FARP1: variants seen among roughly 807,000 people sequenced by gnomAD.
FARP1 encodes FERM, ARHGEF and pleckstrin domain-containing protein 1.
Under a neutral mutation model 128.8 loss-of-function variants are expected in FARP1, and 52 were observed. That is an observed-to-expected ratio of 0.40 (90% CI 0.32 to 0.51). The LOEUF is 0.51. FARP1 is among the 20% of genes least tolerant of loss of function. The probability of loss-of-function intolerance (pLI) is 0.45; values close to 1 mark genes in which losing one functional copy is unlikely to be tolerated. For synonymous variants in FARP1, 580 were observed against 551.8 expected, an observed-to-expected ratio of 1.05 and a Z score of -0.72; for missense variants, 1,333 against 1,367.9, an observed-to-expected ratio of 0.97 and a Z score of 0.40.
chr13:98,182,873 A>G (rs1389143043), intron 1 of FARP1, among the ~76,000 whole-genome samples: 1 of 152,202 alleles, frequency 6.6e-6, no homozygotes, highest in Non-Finnish European at 1.5e-5. Context: ...GCACATGACT[A>G]GCTTTTTCCA....
chr13:98,313,283 C>T (rs116228234), intron 2 of FARP1, among the ~76,000 whole-genome samples: 2,067 of 118,302 alleles, frequency 0.017, 65 homozygotes, highest in African/African-American at 0.061. Flanking sequence ...ACTCTGGAAT[C>T]GGGTGGGTCA....
chr13:98,172,150 T>C (rs1877698272), intron 1 of FARP1, among the ~76,000 whole-genome samples: 1 of 152,094 alleles, frequency 6.6e-6, no homozygotes, highest in Admixed American at 6.6e-5. Flanking sequence ...GGGAAAAGTA[T>C]GAGAATTCTA....
At chr13:98,412,764 T>G (rs1258707622) in intron 16 of FARP1, among the ~76,000 whole-genome samples, 2 of 152,196 alleles carry the variant, frequency 1.3e-5, no homozygotes, top group African/African-American at 2.4e-5. Context: ...TTACCTAAAA[T>G]AGAAGGTTTT....
intron 16 of FARP1, among the ~76,000 whole-genome samples, chr13:98,414,388 G>C (rs751557199): frequency 3.9e-5 from 6 of 152,244 alleles, no homozygotes; most frequent in Non-Finnish European, 8.8e-5. Context: ...CATTGGAAGG[G>C]GCTGCAGTGA....
intron 11 of FARP1, among the ~76,000 whole-genome samples, chr13:98,391,751 G>A (rs1024476053): frequency 2.6e-5 from 4 of 152,112 alleles, no homozygotes; most frequent in African/African-American, 9.7e-5. Flanking sequence ...TCCCCAGTAG[G>A]TTAAATAACT....
chr13:98,403,130 G>C (rs979688939), intron 13 of FARP1: 19 of 149,732 alleles, frequency 1.3e-4, no homozygotes, highest in African/African-American at 4.7e-4. Flanking sequence ...TTTGTACTTG[G>C]AATACCTCTT....
chr13:98,447,961 A>G (rs1892959392), intron 26 of FARP1: 1 of 489,046 alleles, frequency 2.0e-6, no homozygotes, highest in Admixed American at 3.7e-5. Flanking sequence ...CCCAGCAACC[A>G]GAGGCCACCT....
intron 2 of FARP1, among the ~76,000 whole-genome samples, chr13:98,223,995 A>G (rs1490818153): frequency 3.3e-5 from 5 of 152,220 alleles, no homozygotes; most frequent in African/African-American, 9.6e-5. Context: ...GCAATTGGCT[A>G]TTATCCCATC....
intron 13 of FARP1, chr13:98,401,093 A>G (rs1424251809): frequency 6.6e-6 from 1 of 152,186 alleles, no homozygotes; most frequent in Non-Finnish European, 1.5e-5. Context: ...CTCTCTGATG[A>G]GTTTTATATT....
At chr13:98,166,654 C>T (rs866830105) in intron 1 of FARP1, among the ~76,000 whole-genome samples, 2 of 151,984 alleles carry the variant, frequency 1.3e-5, no homozygotes, top group East Asian at 1.9e-4. Context: ...TTTCCCAAAC[C>T]GGAAACCTAC....
chr13:98,313,648 A>G lies in FARP1; in HGVS notation c.172-30114A>G, dbSNP rs948224091. ...AAGGCTGCTGTTGGACTTACTCTCT[A>G]TGATAGCTAAGGCTCCCCTCGCAGC... On this transcript the variant is annotated intron_variant, in intron 2 of 26. Coordinates refer to ENST00000319562, the MANE Select transcript of FARP1 (RefSeq NM_005766.4). Among the ~76,000 whole-genome samples, 12 of 152,336 alleles carry G rather than the reference A, an allele frequency of 7.9e-5. 2 individuals are homozygous for G. The highest frequency in any genetic ancestry group is 2.6e-4 in the African/African-American group (11 of 41,588).
At chr13:98,384,144 A>G (rs551450059) in intron 6 of FARP1, 2 of 136,538 alleles carry the variant, frequency 1.5e-5, no homozygotes, top group Non-Finnish European at 3.0e-5. Context: ...GAAAAGAAAA[A>G]CCGGGAGCAG....
In FARP1 at chr13:98,350,379, G is replaced by T. The variant is rs188781012; in HGVS notation, c.276+6513G>T. ...ACAAAATTGAGCCAGAAGTACAGAG[G>T]TTCCTATATACTGTTCCCGCTCTGT... On this transcript the variant is annotated intron_variant, in intron 3 of 26. Coordinates refer to ENST00000319562, the MANE Select transcript of FARP1 (RefSeq NM_005766.4). 1.9e-3 allele frequency among the ~76,000 whole-genome samples: 296 copies of T among 152,276 alleles called. 1 individual carries two copies. Among genetic ancestry groups the T allele is most frequent in the Non-Finnish European group, 3.7e-3 (254 of 68,022 alleles).
chr13:98,254,669 A>G (rs938958819), intron 2 of FARP1, among the ~76,000 whole-genome samples: 4 of 152,242 alleles, frequency 2.6e-5, no homozygotes, highest in African/African-American at 9.6e-5. Flanking sequence ...GCCTCAGCAG[A>G]AATAGCCTAG....
intron 14 of FARP1, 45 bp downstream of exon 14, chr13:98,409,570 G>C: frequency 6.8e-7 from 1 of 1,473,480 alleles, no homozygotes; most frequent in South Asian, 1.3e-5. Context: ...GTGTGTGCAC[G>C]TGTGTTTGTG....
chr13:98,262,150 G>A (rs1198744452), intron 2 of FARP1, among the ~76,000 whole-genome samples: 1 of 151,596 alleles, frequency 6.6e-6, no homozygotes, highest in Non-Finnish European at 1.5e-5. Context: ...CAAGTAGCTG[G>A]GACTGCAGGT....
chr13:98,257,493 C>T (rs753298880), intron 2 of FARP1, among the ~76,000 whole-genome samples: 1 of 152,190 alleles, frequency 6.6e-6, no homozygotes, highest in Non-Finnish European at 1.5e-5. Context: ...AACCCTGAGG[C>T]TGGGTGCAGT....
chr13:98,257,919 G>A (rs1404884780), intron 2 of FARP1, among the ~76,000 whole-genome samples: 1 of 152,228 alleles, frequency 6.6e-6, no homozygotes, highest in African/African-American at 2.4e-5. Context: ...ATAGCTTGAT[G>A]TAGCCATTCC....
intron 24 of FARP1, among the ~76,000 whole-genome samples, chr13:98,442,471 C>A (rs1390348382): frequency 2.6e-5 from 4 of 152,230 alleles, no homozygotes; most frequent in African/African-American, 9.6e-5. Context: ...CTGGCTCCCC[C>A]ACGGGCACAG....
Sources: allele counts gnomAD v4.1 joint callset (sites outside exome capture counted in the v4.1 genomes callset), GRCh38; gene constraint gnomAD v4.1.1; transcripts MANE v1.5; gene names NCBI Gene and HGNC (gene_info 2026-07-23, HGNC 2026-07-21).